The following P2RX3 variants were observed in gnomAD, a reference collection of about 807,000 sequenced individuals.
P2RX3 encodes P2X purinoceptor 3.
Under a neutral mutation model 51.5 loss-of-function variants are expected in P2RX3, and 41 were observed. The observed-to-expected ratio is 0.80, with a 90% CI of 0.62 to 1.03. The LOEUF (loss-of-function observed/expected upper bound fraction) is 1.03. P2RX3 is among the 50% of genes least tolerant of loss of function. The pLI is 0.00. For synonymous variants in P2RX3, 185 were observed against 191.6 expected (o/e 0.97, Z 0.29); for missense variants, 459 against 522.1 (o/e 0.88, Z 1.18).
chr11:57,349,294 G>A (rs1291686733), intron 6 of P2RX3, among the ~76,000 whole-genome samples: 5 of 139,968 alleles, frequency 3.6e-5, no homozygotes, highest in African/African-American at 1.2e-4. Flanking sequence ...AACCCTGTCT[G>A]TACCAAAAAA....
intron 8 of P2RX3, among the ~76,000 whole-genome samples, chr11:57,356,649 C>T (rs1183512615): frequency 1.3e-5 from 2 of 152,188 alleles, no homozygotes; most frequent in African/African-American, 2.4e-5. Context: ...GAGACAGAAT[C>T]GAAGTGCACC....
At chr11:57,337,314 A>G (rs2134398790), upstream of P2RX3, among the ~76,000 whole-genome samples, 1 of 99,942 alleles carries the variant, frequency 1.0e-5, no homozygotes, top group East Asian at 2.7e-4. Context: ...AAAGAAAGAA[A>G]GAAAAAGAAA....
chr11:57,347,084 G>C (rs772850565), intron 2 of P2RX3, 32 bp from the exon 3 acceptor site: 1 of 1,589,898 alleles, frequency 6.3e-7, no homozygotes, highest in South Asian at 1.1e-5. Context: ...GGGACTGTTG[G>C]ATGTTTTTCT....
chr11:57,354,806 G>A (rs895231019), intron 8 of P2RX3, among the ~76,000 whole-genome samples: 5 of 152,118 alleles, frequency 3.3e-5, no homozygotes, highest in African/African-American at 1.2e-4. Context: ...ATCCGTCAGG[G>A]TCCCCGCAGG....
At chr11:57,350,070 G>T (rs897682145) in intron 7 of P2RX3, among the ~76,000 whole-genome samples, 172 bp downstream of exon 7, 1 of 152,054 alleles carries the variant, frequency 6.6e-6, no homozygotes, top group Admixed American at 6.6e-5. Flanking sequence ...TGCTTTCCCC[G>T]CGCAGAGCGA....
chr11:57,342,111 A>G (rs1425580214), intron 1 of P2RX3, among the ~76,000 whole-genome samples: 1 of 141,704 alleles, frequency 7.1e-6, no homozygotes, highest in Non-Finnish European at 1.5e-5. Context: ...TGGTGGAAAG[A>G]GCTGTTATGG....
At chr11:57,346,075 T>G (rs1048337398) in intron 1 of P2RX3, among the ~76,000 whole-genome samples, 1 of 152,160 alleles carries the variant, frequency 6.6e-6, no homozygotes. Context: ...AAGGCTGGAA[T>G]GCATGGGAGC....
chr11:57,364,499 A>G (rs1223380867), intron 8 of P2RX3, among the ~76,000 whole-genome samples: 2 of 152,122 alleles, frequency 1.3e-5, no homozygotes, highest in Non-Finnish European at 2.9e-5. Flanking sequence ...GGAACTTCCT[A>G]TATTGTTGGT....
At chr11:57,349,989 A>G in intron 7 of P2RX3, 91 bp downstream of exon 7, 1 of 1,536,386 alleles carries the variant, frequency 6.5e-7, no homozygotes. Flanking sequence ...ACTGGCCAGG[A>G]GCCGCCGCGA....
At chr11:57,344,088 G>T (rs1435511185) in intron 1 of P2RX3, among the ~76,000 whole-genome samples, 1 of 152,224 alleles carries the variant, frequency 6.6e-6, no homozygotes, top group Non-Finnish European at 1.5e-5. Flanking sequence ...CCCCATAGAA[G>T]GCGGTATGCA....
At chr11:57,345,913 G>T (rs1856423234) in intron 1 of P2RX3, among the ~76,000 whole-genome samples, 1 of 150,374 alleles carries the variant, frequency 6.7e-6, no homozygotes, top group South Asian at 2.1e-4. Flanking sequence ...TACCTGCCAG[G>T]TAAAAGCTCA....
rs115310080 is a variant in P2RX3 at position 57,363,525 on chromosome 11, G to A, written c.843-4484G>A. Among the ~76,000 whole-genome samples, 420 of 152,262 alleles carry A rather than the reference G, an allele frequency of 2.8e-3. 1 individual carries two copies. The highest frequency in any genetic ancestry group is 9.3e-3 in the African/African-American group (385 of 41,546). ...AGCAACTGGCCATCAGGTGAGGAAAGGGAAGACATAGAAGGTACACTGCTC... is the reference window on the plus strand; with the variant it reads ...AGCAACTGGCCATCAGGTGAGGAAAAGGAAGACATAGAAGGTACACTGCTC... On this transcript the variant is annotated intron_variant, in intron 8 of 11. Coordinates refer to ENST00000263314, the MANE Select transcript of P2RX3 (RefSeq NM_002559.5).
chr11:57,350,728 G>T, intron 7 of P2RX3, 34 bp from the exon 8 acceptor site: 1 of 1,611,330 alleles, frequency 6.2e-7, no homozygotes, highest in Non-Finnish European at 8.5e-7. Flanking sequence ...GTCAGAGGGC[G>T]AGGGGAAAGC....
chr11:57,346,601 G>T lies in P2RX3; in HGVS notation c.177G>T (p.Ser59=), dbSNP rs764753470. The change falls in exon 2 of 12, where the codon TCG becomes TCT. Residue 59 remains serine, a synonymous_variant. Coordinates refer to ENST00000263314, the MANE Select transcript of P2RX3 (RefSeq NM_002559.5). ...TACGGGACACAGCCATTGAGTCCTC[G>T]GTGGTAACCAAGGTGAAGGGCTCCG... ...YQVRDTAIES[S]VVTKVKGSGL... The T allele has an allele frequency of 9.9e-6, 16 of 1,614,072 alleles. No individual in the cohort carries two copies. The highest frequency in any genetic ancestry group is 1.3e-5 in the Non-Finnish European group (15 of 1,180,042).
intron 2 of P2RX3, 152 bp downstream of exon 2, chr11:57,346,831 G>C: frequency 8.2e-7 from 1 of 1,222,652 alleles, no homozygotes; most frequent in Non-Finnish European, 1.1e-6. Context: ...GCTGAGAGCT[G>C]TGTGAGAGCT....
At chr11:57,357,211 CTCAGGA>C (rs1326363479) in intron 8 of P2RX3, among the ~76,000 whole-genome samples, 1 of 152,174 alleles carries the variant, frequency 6.6e-6, no homozygotes, top group Non-Finnish European at 1.5e-5. Context: ...ATCCCAGTTA[CTCAGGA>C]GGCTGAGGCA....
At chr11:57,360,743 C>T (rs578143846) in intron 8 of P2RX3, among the ~76,000 whole-genome samples, 49 of 145,276 alleles carry the variant, frequency 3.4e-4, no homozygotes, top group African/African-American at 1.1e-3. Context: ...TGCAGTGAGC[C>T]GAGATCGCTC....
At chr11:57,354,749 G>T (rs991634616) in intron 8 of P2RX3, among the ~76,000 whole-genome samples, 1 of 152,076 alleles carries the variant, frequency 6.6e-6, no homozygotes, top group African/African-American at 2.4e-5. Flanking sequence ...GTGTGTGTGC[G>T]TGAGTGTATA....
At chr11:57,348,745 C>T in intron 6 of P2RX3, 41 bp downstream of exon 6, 1 of 1,490,716 alleles carries the variant, frequency 6.7e-7, no homozygotes, top group East Asian at 2.3e-5. Context: ...ATGCAGGCAC[C>T]CCCGGCCCTG....
Sources: gnomAD v4.1 joint callset for allele counts (sites outside exome capture counted in the v4.1 genomes callset) on GRCh38, gnomAD v4.1.1 for gene constraint, MANE v1.5 for transcripts, NCBI Gene and HGNC (gene_info 2026-07-23, HGNC 2026-07-21) for gene names.